The following BCAS3 variants were observed in gnomAD, a reference collection of about 807,000 sequenced individuals.
BCAS3 encodes the protein BCAS3 microtubule associated cell migration factor.
Under a neutral mutation model 116.1 loss-of-function variants are expected in BCAS3, and 53 were observed. That is an observed-to-expected ratio of 0.46 (90% confidence interval 0.37 to 0.57). The LOEUF (loss-of-function observed/expected upper bound fraction) is 0.57. BCAS3 is among the 20% of genes least tolerant of loss of function. The pLI is 0.00. For missense variants in BCAS3, 917 were observed against 1,165.4 expected, an observed-to-expected ratio of 0.79 and a Z score of 3.10; for synonymous variants, 391 against 408.2, an observed-to-expected ratio of 0.96 and a Z score of 0.51.
chr17:60,752,371 AT>A lies in BCAS3; in HGVS notation c.403+5101del, dbSNP rs202153949. 1.4e-3 allele frequency among the ~76,000 whole-genome samples: 211 copies of A among 151,134 alleles called. 1 individual carries two copies. The highest frequency in any genetic ancestry group is 4.8e-3 in the African/African-American group (197 of 41,192). On this transcript the variant is annotated intron_variant, in intron 6 of 23. Coordinates refer to ENST00000407086, the MANE Select transcript of BCAS3 (RefSeq NM_017679.5). ...GTACATTTAAAAAAGTATACAAGGA[AT>A]TTTTTTTTAAGGGTAACTCCTAATG...
rs373555228 is a variant in BCAS3 at position 60,881,120 on chromosome 17, G to A, written c.661+6382G>A. On this transcript the variant is annotated intron_variant, in intron 9 of 23. Transcript: ENST00000407086. Reference sequence around the variant, plus strand: ...TTCCCGAGTAGCTGGGACTACAGGCGCCCGCCACCACACCCTGCTAATTTT... The same window carrying A: ...TTCCCGAGTAGCTGGGACTACAGGCACCCGCCACCACACCCTGCTAATTTT... Among the ~76,000 whole-genome samples, 68 of 152,112 alleles carry A rather than the reference G, an allele frequency of 4.5e-4. 1 individual carries two copies. The East Asian group carries it at 0.011, about 24-fold the overall frequency.
At position 61,063,236 on chromosome 17, in the gene BCAS3, C is replaced by G. The variant is rs961537352; in HGVS notation, c.2030-11684C>G. Among the ~76,000 whole-genome samples the G allele has an allele frequency of 1.3e-4, 19 of 151,796 alleles. No homozygotes were observed. Among genetic ancestry groups the G allele is most frequent in the Non-Finnish European group, 2.9e-5 (2 of 67,932 alleles). ...CTTGGATCCTACTATAACAGTAAAG[C>G]CATGGTTTATTTACAGTTTTTTGTT... On this transcript the variant is annotated intron_variant, in intron 19 of 23. Transcript: ENST00000407086. The surrounding 1 kb of genome is among the most constrained non-coding windows in gnomAD (Gnocchi z 5.3).
At position 61,026,555 on chromosome 17, in the gene BCAS3, T is replaced by C. The variant is rs2066260149; in HGVS notation, c.1638-8111T>C. On this transcript the variant is annotated intron_variant, in intron 16 of 23. Coordinates refer to ENST00000407086, the MANE Select transcript of BCAS3 (RefSeq NM_017679.5). The surrounding 1 kb of genome is among the most constrained non-coding windows in gnomAD (Gnocchi z 5.0). ...CCATCTGGTTATTCCATTTAACTTATACCTTGTTTTAAAGGGCTTCAGCAG... is the reference window on the plus strand; with the variant it reads ...CCATCTGGTTATTCCATTTAACTTACACCTTGTTTTAAAGGGCTTCAGCAG... Among the ~76,000 whole-genome samples the C allele has an allele frequency of 1.3e-5, 2 of 151,988 alleles. No individual in the cohort carries two copies. Among genetic ancestry groups the C allele is most frequent in the African/African-American group, 4.8e-5 (2 of 41,444 alleles).
intron 22 of BCAS3, among the ~76,000 whole-genome samples, chr17:61,123,599 C>CTT (rs201011662): frequency 6.8e-6 from 1 of 147,224 alleles, no homozygotes; most frequent in Non-Finnish European, 1.5e-5. Context: ...TTTTCTAAGT[C>CTT]TTTTTTTTTT....
chr17:60,783,283 C>T (rs1227074736), intron 6 of BCAS3, among the ~76,000 whole-genome samples: 1 of 152,206 alleles, frequency 6.6e-6, no homozygotes, highest in African/African-American at 2.4e-5. Context: ...TAGCTCACTG[C>T]AGCCTTGAAC....
chr17:60,801,804 T>G (rs2047811308), intron 6 of BCAS3, among the ~76,000 whole-genome samples: 1 of 152,130 alleles, frequency 6.6e-6, no homozygotes, highest in South Asian at 2.1e-4. Context: ...AAATCGTAGT[T>G]TTTTGTTCTG....
At chr17:60,852,166 G>T (rs2053230626) in intron 7 of BCAS3, among the ~76,000 whole-genome samples, 1 of 151,700 alleles carries the variant, frequency 6.6e-6, no homozygotes, top group South Asian at 2.1e-4. Flanking sequence ...AAGTTTTAGG[G>T]TATGTGTGCA....
chr17:60,685,719 T>C (rs1249929700), intron 3 of BCAS3, among the ~76,000 whole-genome samples: 1 of 152,112 alleles, frequency 6.6e-6, no homozygotes, highest in Non-Finnish European at 1.5e-5. Context: ...AGGGTAGAGA[T>C]GTAGATTTTT....
chr17:60,875,235 G>A (rs987182882), intron 9 of BCAS3, among the ~76,000 whole-genome samples: 1 of 152,002 alleles, frequency 6.6e-6, no homozygotes, highest in African/African-American at 2.4e-5. Context: ...TACTTATAAA[G>A]CTGTAAGCAC....
In BCAS3 at chr17:61,392,402, T is replaced by C. The variant is rs2060177187; in HGVS notation, c.*277T>C. 2 of 329,770 alleles carry C rather than the reference T, an allele frequency of 6.1e-6. No individual in the cohort carries two copies. Among genetic ancestry groups the C allele is most frequent in the Non-Finnish European group, 1.1e-5 (2 of 182,112 alleles). The allele number at this position is 329,770 out of a possible 1,614,324, so 20.4% of individuals were successfully genotyped here. A position where few individuals can be genotyped will look rare whatever the true frequency, so the allele number is the denominator to read the frequency against. ...GTATGTTTGCATATGACATCCTGCA[T>C]TGGATCCGCTTTTGTATTTTTTAAC... is the stretch of plus-strand genomic sequence containing the variant. On this transcript the variant is annotated 3_prime_UTR_variant, in exon 24 of 24. Coordinates refer to ENST00000407086, the MANE Select transcript of BCAS3 (RefSeq NM_017679.5). The surrounding 1 kb of genome is among the most constrained non-coding windows in gnomAD (Gnocchi z 6.4).
At chr17:61,317,344 G>A (rs1326844416) in intron 22 of BCAS3, among the ~76,000 whole-genome samples, 4 of 152,174 alleles carry the variant, frequency 2.6e-5, no homozygotes, top group Admixed American at 2.0e-4. Context: ...CAATGTAAAG[G>A]CATGCTTCTT....
At chr17:61,317,008 G>A (rs1039281432) in intron 22 of BCAS3, among the ~76,000 whole-genome samples, 19 of 152,164 alleles carry the variant, frequency 1.2e-4, no homozygotes, top group African/African-American at 3.9e-4. Flanking sequence ...TAGAGTTCGG[G>A]AGGCTTCAAC....
At chr17:61,025,686 C>CTTGGCA (rs1001581998) in intron 16 of BCAS3, among the ~76,000 whole-genome samples, 4 of 152,012 alleles carry the variant, frequency 2.6e-5, no homozygotes, top group Non-Finnish European at 5.9e-5. Flanking sequence ...GCTATCCTTG[C>CTTGGCA]TTGGCATTGG....
chr17:61,111,006 C>T (rs1248045835), intron 22 of BCAS3, among the ~76,000 whole-genome samples: 1 of 152,030 alleles, frequency 6.6e-6, no homozygotes, highest in African/African-American at 2.4e-5. Context: ...GGTATTCCAA[C>T]AGACCTGCAG....
intron 6 of BCAS3, among the ~76,000 whole-genome samples, chr17:60,749,487 A>G (rs959209478): frequency 6.6e-6 from 1 of 152,092 alleles, no homozygotes; most frequent in African/African-American, 2.4e-5. Flanking sequence ...ATTTTGATGA[A>G]ATGGCTTCAA....
chr17:61,058,606 T>C (rs1481405303), intron 19 of BCAS3, among the ~76,000 whole-genome samples: 2 of 152,174 alleles, frequency 1.3e-5, no homozygotes, highest in Non-Finnish European at 2.9e-5. Context: ...GGTATTATAG[T>C]GTATGTAAAG....
chr17:60,846,303 G>A (rs1229049009), intron 7 of BCAS3, among the ~76,000 whole-genome samples: 2 of 152,028 alleles, frequency 1.3e-5, no homozygotes, highest in Non-Finnish European at 2.9e-5. Context: ...TTTTTTATTA[G>A]TATGGTTGCA....
At chr17:61,018,796 A>G (rs748596691) in intron 16 of BCAS3, among the ~76,000 whole-genome samples, 2 of 152,158 alleles carry the variant, frequency 1.3e-5, no homozygotes, top group Non-Finnish European at 2.9e-5. Flanking sequence ...ACATTCTCTT[A>G]TATAACTGTA....
At chr17:60,689,575 G>A (rs1210874500) in intron 3 of BCAS3, 111 bp from the exon 4 acceptor site, 1 of 616,086 alleles carries the variant, frequency 1.6e-6, no homozygotes, top group Non-Finnish European at 2.8e-6. Context: ...AAGATGTAGG[G>A]TTGGTGAAGT....
Sources: gnomAD v4.1 joint callset for allele counts (sites outside exome capture counted in the v4.1 genomes callset) on GRCh38, gnomAD v4.1.1 for gene constraint, Gnocchi (gnomAD v3.1) non-coding constraint, MANE v1.5 for transcripts, NCBI Gene and HGNC (gene_info 2026-07-23, HGNC 2026-07-21) for gene names.